Variants in NRG1 observed in about 807,000 individuals in gnomAD.
NRG1 encodes the protein pro-neuregulin-1, membrane-bound isoform.
NRG1 carries 18 observed loss-of-function variants against 63.8 expected under a neutral mutation model. The ratio of observed to expected loss-of-function variants is 0.28; its 90% CI spans 0.19 to 0.42. NRG1 has a LOEUF of 0.42. NRG1 is among the 10% of genes least tolerant of loss of function. NRG1 has a pLI of 1.00. For missense variants in NRG1, 762 were observed against 814.7 expected (o/e 0.94, Z 0.79); for synonymous variants, 302 against 301.3 (o/e 1.00, Z -0.02).
intron 1 of NRG1, among the ~76,000 whole-genome samples, chr8:31,763,733 G>A (rs1439735222): frequency 1.3e-5 from 2 of 152,156 alleles, no homozygotes; most frequent in Admixed American, 6.5e-5. Flanking sequence ...GGCAGATCAC[G>A]AGGTCAGGAG....
At chr8:31,812,201 G>C (rs774248836) in intron 1 of NRG1, among the ~76,000 whole-genome samples, 1 of 152,142 alleles carries the variant, frequency 6.6e-6, no homozygotes, top group Non-Finnish European at 1.5e-5. Context: ...GAATTTATTA[G>C]AAAAACAGGA....
rs551953229 is a variant in NRG1 at position 32,509,025 on chromosome 8, G to A, written c.38-86803G>A. Reference sequence around the variant, plus strand: ...GCTGGGATCACAGGTATGAGCCACCGTGCCTGGCCTATACTTGTGTATACT... The same window carrying A: ...GCTGGGATCACAGGTATGAGCCACCATGCCTGGCCTATACTTGTGTATACT... On this transcript the variant is annotated intron_variant, in intron 1 of 10. Transcript: ENST00000519301. Among the ~76,000 whole-genome samples the A allele has an allele frequency of 1.5e-3, 218 of 149,590 alleles. 1 individual carries two copies. Among genetic ancestry groups the A allele is most frequent in the Non-Finnish European group, 2.8e-3 (190 of 67,248 alleles).
rs112273301 is a variant in NRG1, at chr8:32,557,069, G to A, written c.100+8243G>A. 2.4e-3 allele frequency among the ~76,000 whole-genome samples: 369 copies of A among 152,134 alleles called. 3 individuals carry two copies. Among genetic ancestry groups the A allele is most frequent in the Admixed American group, 4.0e-3 (61 of 15,272 alleles). On this transcript the variant is annotated intron_variant, in intron 1 of 11. Transcript: ENST00000356819. ...CACCCAGGCTGGAGTGCAGTGGTGC[G>A]ATCTCAGCTCACTGCAAGCTCCCCC...
chr8:31,959,329 G>A (rs1225562271), intron 1 of NRG1, among the ~76,000 whole-genome samples: 5 of 152,060 alleles, frequency 3.3e-5, no homozygotes, highest in Non-Finnish European at 7.4e-5. Flanking sequence ...TATCAGTCAG[G>A]TTTCTAAAAA....
intron 1 of NRG1, among the ~76,000 whole-genome samples, chr8:31,757,460 A>G (rs1393187575): frequency 6.6e-6 from 1 of 152,186 alleles, no homozygotes; most frequent in African/African-American, 2.4e-5. Context: ...TCACTGTGCT[A>G]CATTCTAAAA....
At chr8:32,117,485 A>G (rs1359328112) in intron 1 of NRG1, among the ~76,000 whole-genome samples, 1 of 152,060 alleles carries the variant, frequency 6.6e-6, no homozygotes, top group Admixed American at 6.6e-5. Context: ...CCCCATTAAC[A>G]TAAGGGTAGC....
chr8:32,693,591 A>G lies in NRG1; in HGVS notation c.503-34358A>G, dbSNP rs187117559. On this transcript the variant is annotated intron_variant, in intron 5 of 11. Transcript: ENST00000356819. ...AAGCCTCATGTTTCCAAAGTGGCATAAAAGGCCCTGGCATGTAGAGTGTAG... is the reference window on the plus strand; with the variant it reads ...AAGCCTCATGTTTCCAAAGTGGCATGAAAGGCCCTGGCATGTAGAGTGTAG... Among the ~76,000 whole-genome samples the G allele has an allele frequency of 1.5e-3, 224 of 151,614 alleles. 1 individual carries two copies. The highest frequency in any genetic ancestry group is 3.7e-3 in the East Asian group (19 of 5,150).
intron 1 of NRG1, among the ~76,000 whole-genome samples, chr8:31,760,052 C>G (rs73590139): frequency 0.16 from 23,990 of 152,028 alleles, 2,185 homozygotes; most frequent in East Asian, 0.2. Context: ...ATCCTGAACC[C>G]CTCAAAGTTA....
At chr8:32,363,325 A>G (rs1326019954) in intron 1 of NRG1, among the ~76,000 whole-genome samples, 2 of 152,206 alleles carry the variant, frequency 1.3e-5, no homozygotes, top group African/African-American at 2.4e-5. Context: ...CTGTTGAAGT[A>G]GTGGCTATTC....
intron 1 of NRG1, among the ~76,000 whole-genome samples, chr8:31,682,987 G>A (rs940330073): frequency 6.6e-6 from 1 of 152,118 alleles, no homozygotes; most frequent in Non-Finnish European, 1.5e-5. Flanking sequence ...GAATAATTCA[G>A]GGGGATTGGA....
intron 1 of NRG1, among the ~76,000 whole-genome samples, chr8:32,341,794 G>A (rs377290907): frequency 6.6e-6 from 1 of 152,264 alleles, no homozygotes; most frequent in South Asian, 2.1e-4. Flanking sequence ...CAAAGTACAA[G>A]TATAGAGTAT....
intron 1 of NRG1, among the ~76,000 whole-genome samples, chr8:32,389,817 G>A (rs1205942653): frequency 2.0e-5 from 3 of 150,858 alleles, no homozygotes; most frequent in African/African-American, 7.3e-5. Context: ...TTGGAGTGCA[G>A]TGGCGCGATC....
chr8:31,825,678 G>A (rs1300838459), intron 1 of NRG1, among the ~76,000 whole-genome samples: 1 of 152,098 alleles, frequency 6.6e-6, no homozygotes, highest in African/African-American at 2.4e-5. Context: ...AAGAGGAGAG[G>A]AGAGAGAAAG....
intron 1 of NRG1, among the ~76,000 whole-genome samples, chr8:32,191,502 T>C (rs1261396900): frequency 1.3e-5 from 2 of 152,220 alleles, no homozygotes; most frequent in Admixed American, 1.3e-4. Flanking sequence ...TGGTAAGAAT[T>C]GTGCCATATG....
intron 5 of NRG1, among the ~76,000 whole-genome samples, chr8:32,668,839 A>G (rs1325435398): frequency 6.6e-6 from 1 of 152,198 alleles, no homozygotes; most frequent in Non-Finnish European, 1.5e-5. Flanking sequence ...CTTTATTATT[A>G]TAATCGGTAT....
At chr8:32,256,318 G>A (rs1849696053) in intron 1 of NRG1, among the ~76,000 whole-genome samples, 1 of 152,172 alleles carries the variant, frequency 6.6e-6, no homozygotes, top group Non-Finnish European at 1.5e-5. Context: ...CCTCATCTGT[G>A]TGGATTTATC....
intron 1 of NRG1, among the ~76,000 whole-genome samples, chr8:32,168,311 T>C (rs1354141579): frequency 6.6e-6 from 1 of 152,242 alleles, no homozygotes; most frequent in Non-Finnish European, 1.5e-5. Context: ...GTCTACCATG[T>C]ATCAGGCATG....
chr8:32,391,941 A>T lies in NRG1; in HGVS notation c.38-203887A>T, dbSNP rs546516776. The stretch of plus-strand genomic sequence containing the variant: ...TTAAAAATGTGAACAGAATTTGTGG[A>T]TGTTGAGACAGATTCACAGATCCTT... On this transcript the variant is annotated intron_variant, in intron 1 of 10. Transcript: ENST00000519301. 1.8e-4 allele frequency among the ~76,000 whole-genome samples: 27 copies of T among 152,346 alleles called. 1 individual carries two copies. Among genetic ancestry groups the T allele is most frequent in the Non-Finnish European group, 3.4e-4 (23 of 68,034 alleles).
chr8:31,959,292 C>T (rs1169899878), intron 1 of NRG1, among the ~76,000 whole-genome samples: 1 of 152,112 alleles, frequency 6.6e-6, no homozygotes, highest in Non-Finnish European at 1.5e-5. Context: ...TTAATGAATA[C>T]AATTAATCTG....
Sources: gnomAD v4.1 joint callset for allele counts (sites outside exome capture counted in the v4.1 genomes callset) on GRCh38, gnomAD v4.1.1 for gene constraint, MANE v1.5 for transcripts, NCBI Gene and HGNC (gene_info 2026-07-23, HGNC 2026-07-21) for gene names.